Variants in DST observed in about 807,000 individuals in gnomAD.
DST encodes the protein bullous pemphigoid antigen.
DST carries 253 observed loss-of-function variants against 875.2 expected under a neutral mutation model. That is an observed-to-expected ratio of 0.29 (90% confidence interval 0.26 to 0.32). DST has a LOEUF of 0.32. Among genes scored for constraint, DST ranks in the 10% least tolerant of loss-of-function variants. DST has a pLI of 1.00. For synonymous variants in DST, 3,124 were observed against 3,197.1 expected (o/e 0.98, Z 0.77); for missense variants, 8,287 against 9,111.6 (o/e 0.91, Z 3.68).
In DST at chr6:56,923,668, G is replaced by C. The variant is rs140599643; in HGVS notation, c.217-23047C>G. Among the ~76,000 whole-genome samples the C allele has an allele frequency of 6.6e-5, 10 of 152,274 alleles. No individual in the cohort carries two copies. The East Asian group carries it at 1.9e-3, about 29-fold the overall frequency. ...TTGAGCAGGAAGATCCAATGTTCCAGTTGAAATCTGAAGGCACTCAAGTGT... is the reference window on the plus strand; with the variant it reads ...TTGAGCAGGAAGATCCAATGTTCCACTTGAAATCTGAAGGCACTCAAGTGT... On this transcript the variant is annotated intron_variant, in intron 2 of 103. Transcript: ENST00000680361.
chr6:56,532,295 A>G (rs750865094), intron 64 of DST, 49 bp downstream of exon 64: 20 of 1,546,578 alleles, frequency 1.3e-5, no homozygotes, highest in Non-Finnish European at 1.3e-5. Flanking sequence ...AGTTTTGTAG[A>G]CAGAGGCCAC....
At chr6:56,583,543 G>A (rs2098074864) in intron 49 of DST, among the ~76,000 whole-genome samples, 1 of 152,058 alleles carries the variant, frequency 6.6e-6, no homozygotes, top group Admixed American at 6.6e-5. Flanking sequence ...CCATTTTGTA[G>A]GTTGCCTGTT....
chr6:56,858,495 A>T (rs1317978126), intron 3 of DST, among the ~76,000 whole-genome samples: 1 of 152,228 alleles, frequency 6.6e-6, no homozygotes, highest in African/African-American at 2.4e-5. Context: ...TCTCACAGGT[A>T]TACAAGGTAA....
chr6:56,508,585 G>C lies in DST; in HGVS notation c.19183C>G (p.Leu6395Val). Residue 6395 changes from leucine (L) to valine (V), a missense_variant, in exon 75 of 104, where the codon CTG becomes GTG. Leu to Val is a conservative substitution (Grantham distance 32). This residue lies in a region of DST where 1,292 missense variants were observed against 1,552.7 expected (regional missense o/e 0.83). Coordinates refer to ENST00000680361, the MANE Select transcript of DST (RefSeq NM_001374736.1). ...IKDTQDFIRD[L>V]EDPGIDPSVV... ...GAAGGATCAATTCCAGGATCTTCCA[G>C]GTCCCGGATGAAATCTTGAGTATCT... 6.2e-7 allele frequency: 1 copy of C among 1,613,848 alleles called. No homozygotes were observed. The highest frequency in any genetic ancestry group is 1.1e-5 in the South Asian group (1 of 91,078).
intron 3 of DST, among the ~76,000 whole-genome samples, chr6:56,855,332 A>T (rs1767336976): frequency 6.6e-6 from 1 of 152,232 alleles, no homozygotes; most frequent in Non-Finnish European, 1.5e-5. Context: ...CAAACTTCTA[A>T]ATAAAGACCA....
rs952541821 is a variant in DST, at chr6:56,618,947, C to T, written c.4930-4463G>A. 17 of 1,614,072 alleles carry T rather than the reference C, an allele frequency of 1.1e-5. No homozygotes were observed. The highest frequency in any genetic ancestry group is 1.6e-4 in the Middle Eastern group (1 of 6,084). ...TAGCTGAACTTTCTGCTCCCCGCGT[C>T]GCTTCTCTTCTTTGGAAGCATTCAG... On this transcript the variant is annotated intron_variant, in intron 36 of 103. Coordinates refer to ENST00000680361, the MANE Select transcript of DST (RefSeq NM_001374736.1).
chr6:56,570,435 G>C (rs1303402369), intron 53 of DST, among the ~76,000 whole-genome samples: 1 of 152,070 alleles, frequency 6.6e-6, no homozygotes, highest in Non-Finnish European at 1.5e-5. Context: ...AGATCATCAG[G>C]CATTAGATTC....
At chr6:56,941,807 C>A (rs1649021021) in intron 2 of DST, among the ~76,000 whole-genome samples, 1 of 152,166 alleles carries the variant, frequency 6.6e-6, no homozygotes, top group African/African-American at 2.4e-5. Context: ...CTAGAAGTAT[C>A]AGTTAGGTCA....
At chr6:56,494,217 A>C in intron 82 of DST, 37 bp from the exon 83 acceptor site, 1 of 1,547,208 alleles carries the variant, frequency 6.5e-7, no homozygotes, top group Non-Finnish European at 8.7e-7. Flanking sequence ...TCACTTTAAG[A>C]AAGTAAAATT....
chr6:56,620,430 T>G lies in DST; in HGVS notation c.4929+4100A>C, dbSNP rs1004852725. ...GCGGCTTCCTTCTCTCTCACAATGG[T>G]TTCAAGTTCCCTGCGGTACTGCTTG... On this transcript the variant is annotated intron_variant, in intron 36 of 103. Coordinates refer to ENST00000680361, the MANE Select transcript of DST (RefSeq NM_001374736.1). The G allele has an allele frequency of 2.4e-5, 38 of 1,614,060 alleles. 1 individual carries two copies. The Admixed American group carries it at 5.0e-4, about 21-fold the overall frequency.
chr6:56,784,511 T>C (rs1292374642), intron 4 of DST, among the ~76,000 whole-genome samples: 1 of 152,248 alleles, frequency 6.6e-6, no homozygotes, highest in Non-Finnish European at 1.5e-5. Context: ...TTCCAGTTGA[T>C]CGCATCAGCT....
intron 5 of DST, among the ~76,000 whole-genome samples, chr6:56,717,586 C>T (rs565129477): frequency 2.0e-5 from 3 of 152,316 alleles, no homozygotes; most frequent in Non-Finnish European, 4.4e-5. Context: ...CCAATTACTC[C>T]TGCAGATAGC....
intron 49 of DST, among the ~76,000 whole-genome samples, chr6:56,590,756 G>T (rs2098257730): frequency 6.6e-6 from 1 of 152,164 alleles, no homozygotes; most frequent in Non-Finnish European, 1.5e-5. Context: ...TTCAGCCTGG[G>T]AAAGAAGCAG....
At chr6:56,615,960 C>T (rs2098611244) in intron 36 of DST, 1 of 1,614,224 alleles carries the variant, frequency 6.2e-7, no homozygotes, top group East Asian at 2.2e-5. Context: ...CTATGCAAAG[C>T]TTCGGCCACC....
intron 4 of DST, among the ~76,000 whole-genome samples, chr6:56,836,786 G>A (rs2153067898): frequency 1.3e-5 from 2 of 148,288 alleles, no homozygotes; most frequent in South Asian, 4.2e-4. Context: ...GGGAGGCGGA[G>A]CTTGCAGTGA....
intron 4 of DST, among the ~76,000 whole-genome samples, chr6:56,849,035 T>C (rs1298568188): frequency 6.6e-6 from 1 of 151,954 alleles, no homozygotes; most frequent in African/African-American, 2.4e-5. Flanking sequence ...AGAGAATCTG[T>C]CTCAAAATAA....
At chr6:56,729,230 C>A (rs905926963) in intron 5 of DST, among the ~76,000 whole-genome samples, 1 of 152,170 alleles carries the variant, frequency 6.6e-6, no homozygotes, top group South Asian at 2.1e-4. Context: ...GTTTTAAGAA[C>A]CCAAAGCAAT....
chr6:56,480,774 A>G (rs1435329714), intron 90 of DST, among the ~76,000 whole-genome samples: 1 of 152,126 alleles, frequency 6.6e-6, no homozygotes, highest in Non-Finnish European at 1.5e-5. Flanking sequence ...CTGGTGTGAG[A>G]GTGGTGATAC....
At chr6:56,765,618 A>G (rs1731914429) in intron 4 of DST, among the ~76,000 whole-genome samples, 1 of 152,242 alleles carries the variant, frequency 6.6e-6, no homozygotes, top group Non-Finnish European at 1.5e-5. Context: ...GGCAGCAAAA[A>G]GCAATCTGTG....
Sources: allele counts gnomAD v4.1 joint callset (sites outside exome capture counted in the v4.1 genomes callset), GRCh38; gene constraint gnomAD v4.1.1; regional missense constraint gnomAD v4.1.1; transcripts MANE v1.5; gene names NCBI Gene and HGNC (gene_info 2026-07-23, HGNC 2026-07-21).